Variants in GSTCD observed in about 807,000 individuals in gnomAD.
GSTCD encodes the protein glutathione S-transferase C-terminal domain-containing protein.
In GSTCD, 44 loss-of-function variants were observed where a neutral mutation model predicts 68.3. The ratio of observed to expected loss-of-function variants is 0.64; its 90% CI spans 0.51 to 0.83. The LOEUF (loss-of-function observed/expected upper bound fraction) is 0.83. Ranked by LOEUF, GSTCD falls within the 40% of genes least tolerant of loss-of-function variation. The pLI is 0.00. For synonymous variants in GSTCD, 273 were observed against 255.2 expected, an observed-to-expected ratio of 1.07 and a Z score of -0.67; for missense variants, 739 against 735.9, an observed-to-expected ratio of 1.00 and a Z score of -0.05.
chr4:105,765,072 TGTATA>T (rs1734554781), intron 5 of GSTCD, among the ~76,000 whole-genome samples: 1 of 152,160 alleles, frequency 6.6e-6, no homozygotes, highest in Non-Finnish European at 1.5e-5. Context: ...GCACATGTAC[TGTATA>T]ACAGAAAAAA....
intron 5 of GSTCD, among the ~76,000 whole-genome samples, chr4:105,775,471 C>T (rs1386192929): frequency 6.6e-6 from 1 of 152,202 alleles, no homozygotes; most frequent in African/African-American, 2.4e-5. Context: ...GGTTTTTCAT[C>T]ATCTTCGTGG....
chr4:105,731,432 G>A (rs1733236282), intron 5 of GSTCD, among the ~76,000 whole-genome samples: 1 of 152,142 alleles, frequency 6.6e-6, no homozygotes, highest in Non-Finnish European at 1.5e-5. Flanking sequence ...AGTTCTCCTT[G>A]AAGAGGTCCT....
intron 5 of GSTCD, among the ~76,000 whole-genome samples, chr4:105,819,137 A>G (rs771478054): frequency 3.3e-5 from 5 of 151,692 alleles, no homozygotes; most frequent in Non-Finnish European, 5.9e-5. Context: ...AAGCAATGTC[A>G]TTTCCTATCT....
At chr4:105,733,825 C>T (rs905756784) in intron 5 of GSTCD, among the ~76,000 whole-genome samples, 5 of 152,110 alleles carry the variant, frequency 3.3e-5, no homozygotes, top group East Asian at 1.9e-4. Context: ...TGGCTGGTAG[C>T]GGTTTTTCCT....
chr4:105,800,860 A>T (rs545650105), intron 5 of GSTCD, among the ~76,000 whole-genome samples: 145 of 152,234 alleles, frequency 9.5e-4, no homozygotes, highest in African/African-American at 3.3e-3. Flanking sequence ...GCCTTATTTT[A>T]TATGTGCTTC....
At chr4:105,820,805 T>G (rs1334707298) in intron 5 of GSTCD, among the ~76,000 whole-genome samples, 1 of 151,890 alleles carries the variant, frequency 6.6e-6, no homozygotes, top group African/African-American at 2.4e-5. Context: ...GATGCAGTAT[T>G]AGCAAGAAAA....
chr4:105,727,023 GTAT>G (rs1414180085), intron 4 of GSTCD, among the ~76,000 whole-genome samples, 193 bp downstream of exon 4: 1 of 147,878 alleles, frequency 6.8e-6, no homozygotes, highest in Admixed American at 6.7e-5. Flanking sequence ...AAAACTTTTA[GTAT>G]TATGTATTTT....
chr4:105,782,819 G>A (rs559858417), intron 5 of GSTCD, among the ~76,000 whole-genome samples: 2 of 152,072 alleles, frequency 1.3e-5, no homozygotes, highest in African/African-American at 4.8e-5. Flanking sequence ...CTTAATAATC[G>A]CTTCTGATTT....
intron 5 of GSTCD, among the ~76,000 whole-genome samples, chr4:105,784,158 C>T (rs553397691): frequency 6.6e-6 from 1 of 152,318 alleles, no homozygotes; most frequent in African/African-American, 2.4e-5. Context: ...TTATTCCTCA[C>T]CTGCTTTTCA....
At chr4:105,840,089 C>A (rs1724279266) in intron 10 of GSTCD, 1 of 394,542 alleles carries the variant, frequency 2.5e-6, no homozygotes, top group South Asian at 1.9e-5. Context: ...CTACCATGTG[C>A]CTTGCCCTTT....
intron 5 of GSTCD, among the ~76,000 whole-genome samples, chr4:105,791,347 C>G (rs1176580974): frequency 6.1e-5 from 9 of 147,692 alleles, no homozygotes; most frequent in Admixed American, 4.8e-4. Context: ...GAGCCGAGAT[C>G]GCGCCACTGC....
chr4:105,836,770 T>G (rs1267215648), intron 9 of GSTCD, among the ~76,000 whole-genome samples: 3 of 152,220 alleles, frequency 2.0e-5, no homozygotes, highest in Non-Finnish European at 4.4e-5. Context: ...TTCACACCTA[T>G]GTAGATTTAC....
intron 5 of GSTCD, among the ~76,000 whole-genome samples, chr4:105,755,397 T>G (rs978320268): frequency 2.0e-5 from 3 of 152,026 alleles, no homozygotes; most frequent in Non-Finnish European, 4.4e-5. Context: ...GCCAGAGGAA[T>G]AAATTCCCTG....
intron 5 of GSTCD, among the ~76,000 whole-genome samples, chr4:105,773,721 A>AG (rs1012815201): frequency 4.6e-5 from 7 of 152,136 alleles, no homozygotes; most frequent in Non-Finnish European, 1.0e-4. Context: ...GTGGTCTGCG[A>AG]GACTGTTATG....
chr4:105,800,127 T>C (rs147287453), intron 5 of GSTCD, among the ~76,000 whole-genome samples: 91 of 152,300 alleles, frequency 6.0e-4, no homozygotes, highest in African/African-American at 2.2e-3. Flanking sequence ...CTGGGCAATT[T>C]ACAAAGGAAA....
At position 105,765,410 on chromosome 4, in the gene GSTCD, A is replaced by G. The variant is rs764557672; in HGVS notation, c.1240+35911A>G. 2.6e-5 allele frequency among the ~76,000 whole-genome samples: 4 copies of G among 152,320 alleles called. No individual in the cohort carries two copies. The East Asian group carries it at 5.8e-4, about 22-fold the overall frequency. On this transcript the variant is annotated intron_variant, in intron 5 of 11. Transcript: ENST00000515279. ...GTTGTTGACCACTCTCAAGCACTCA[A>G]TGACTGGAAGAAAACTCTCTAGAAA...
At chr4:105,735,999 T>G (rs1442343823) in intron 5 of GSTCD, among the ~76,000 whole-genome samples, 1 of 152,206 alleles carries the variant, frequency 6.6e-6, no homozygotes, top group Non-Finnish European at 1.5e-5. Flanking sequence ...TCTCCGATTG[T>G]TTAAAATGTT....
chr4:105,762,794 CT>C (rs1319101547), intron 5 of GSTCD, among the ~76,000 whole-genome samples: 1 of 151,980 alleles, frequency 6.6e-6, no homozygotes, highest in Admixed American at 6.6e-5. Flanking sequence ...AGTATAATAT[CT>C]TTTGGGGGAT....
chr4:105,777,970 C>T (rs1234397057), intron 5 of GSTCD, among the ~76,000 whole-genome samples: 1 of 152,084 alleles, frequency 6.6e-6, no homozygotes, highest in African/African-American at 2.4e-5. Context: ...TTTAGGAGAA[C>T]TTTAACAAAT....
Sources: gnomAD v4.1 joint callset for allele counts (sites outside exome capture counted in the v4.1 genomes callset) on GRCh38, gnomAD v4.1.1 for gene constraint, MANE v1.5 for transcripts, NCBI Gene and HGNC (gene_info 2026-07-23, HGNC 2026-07-21) for gene names.